The following KDM6B variants were observed in gnomAD, a reference collection of about 807,000 sequenced individuals.
The protein encoded by KDM6B is lysine demethylase 6B.
KDM6B carries 22 observed loss-of-function variants against 150.4 expected under a neutral mutation model. The observed-to-expected ratio is 0.15, with a 90% CI of 0.10 to 0.21. The LOEUF is 0.21. KDM6B is among the 10% of genes least tolerant of loss of function. The pLI is 1.00. For synonymous variants in KDM6B, 1,148 were observed against 921.1 expected (o/e 1.25, Z -4.46); for missense variants, 1,984 against 2,234.3 (o/e 0.89, Z 2.26).
Position 7,849,871 on chromosome 17 carries a change from A to G in KDM6B, c.3491A>G (p.Gln1164Arg), listed in dbSNP as rs909785268. 6 of 1,613,390 alleles carry G rather than the reference A, an allele frequency of 3.7e-6. No individual in the cohort carries two copies. Among genetic ancestry groups the G allele is most frequent in the Admixed American group, 3.3e-5 (2 of 60,020 alleles). Residue 1164 changes from glutamine (Q) to arginine (R), a missense_variant, in exon 13 of 24, where the codon CAG becomes CGG. By Grantham distance (43) the Gln-to-Arg change is conservative. This residue lies in a region of KDM6B where 1,379 missense variants were observed against 1,275.6 expected (regional missense o/e 1.08). Coordinates refer to ENST00000448097, the MANE Select transcript of KDM6B (RefSeq NM_001348716.2). ...KFRESYLSPAQSVKPKINTEE... is the reference protein window; with the variant it reads ...KFRESYLSPARSVKPKINTEE... ...CGAGAGTCCTACCTTTCCCCTGCCC[A>G]GTCTGTGAAACCGAAGATCAACACT...
chr17:7,834,273 C>CTT lies in KDM6B; in HGVS notation c.-465_-464insTT. Among the ~76,000 whole-genome samples the CTT allele has an allele frequency of 6.6e-6, 1 of 151,358 alleles. No homozygotes were observed. Among genetic ancestry groups the CTT allele is most frequent in the Non-Finnish European group, 1.5e-5 (1 of 67,716 alleles). On this transcript the variant is annotated 5_prime_UTR_variant, in exon 1 of 24. Coordinates refer to ENST00000448097, the MANE Select transcript of KDM6B (RefSeq NM_001348716.2). Reference sequence around the variant, plus strand: ...GGCGGAGCGGCCCCCCCAGCCCCGGCCTGGGAGAAGGGGGGGCCGCTCGAC... The same window carrying CTT: ...GGCGGAGCGGCCCCCCCAGCCCCGGCTTCTGGGAGAAGGGGGGGCCGCTCGAC...
rs754571535 is a variant in KDM6B, at chr17:7,846,896, A to ACCACCG, written c.791_792insACCGCC (p.Pro263_Pro264dup). ...CACCACCACCACCACCACCACCACC[A>ACCACCG]CCCCTGCCTGGCCTGGCTACCAGCC... On this transcript the variant is annotated inframe_insertion, in exon 10 of 24. Coordinates refer to ENST00000448097, the MANE Select transcript of KDM6B (RefSeq NM_001348716.2). 5.0e-4 allele frequency: 687 copies of ACCACCG among 1,365,150 alleles called. No homozygotes were observed. The highest frequency in any genetic ancestry group is 6.0e-4 in the Non-Finnish European group (603 of 1,009,608). 84.6% of individuals were successfully genotyped at this position (1,365,150 alleles called of 1,614,324 possible).
In KDM6B at chr17:7,844,906, T is replaced by G. The variant is rs540169923; in HGVS notation, c.-263T>G. The G allele has an allele frequency of 6.1e-6, 1 of 164,194 alleles. No individual in the cohort carries two copies. The highest frequency in any genetic ancestry group is 1.4e-4 in the South Asian group (1 of 7,150). 10.2% of individuals were successfully genotyped at this position (164,194 alleles called of 1,614,324 possible). ...CTCCCATTGGTTCCGGCCAGGCTGTTACTGAGGCGGAGACACGGGTGATGA... is the reference window on the plus strand; with the variant it reads ...CTCCCATTGGTTCCGGCCAGGCTGTGACTGAGGCGGAGACACGGGTGATGA... On this transcript the variant is annotated 5_prime_UTR_variant, in exon 3 of 24. It introduces an in-frame stop codon into an upstream open reading frame of the 5' UTR. Transcript: ENST00000448097. The surrounding 1 kb of genome is among the most constrained non-coding windows in gnomAD (Gnocchi z 5.9).
chr17:7,842,600 C>T (rs1021718547), intron 2 of KDM6B, among the ~76,000 whole-genome samples: 1 of 152,066 alleles, frequency 6.6e-6, no homozygotes, highest in Non-Finnish European at 1.5e-5. Context: ...CGCGAGCTGG[C>T]GGCGACTGGG....
Position 7,848,486 on chromosome 17 carries a change from A to C in KDM6B, c.2198A>C (p.Gln733Pro), listed in dbSNP as rs2078613046. ...CTGAAGGAGCCCTTTGCATCTCTGC[A>C]GTCTCCTTTCCCCACCGACACAGCC... ...PPLKEPFASL[Q>P]SPFPTDTAPT... The change falls in exon 12 of 24, where the codon CAG becomes CCG. Residue 733 changes from glutamine to proline, a missense_variant. Gln to Pro is a moderately conservative substitution (Grantham distance 76, BLOSUM62 -1). Transcript: ENST00000448097. 1 of 1,608,588 alleles carries C rather than the reference A, an allele frequency of 6.2e-7. No individual in the cohort carries two copies. Among genetic ancestry groups the C allele is most frequent in the Non-Finnish European group, 8.5e-7 (1 of 1,179,236 alleles).
rs774204081 is a variant in KDM6B, at chr17:7,852,550, C to G, written c.4524C>G (p.Val1508=). Residue 1508 remains valine (V), a synonymous_variant, in exon 21 of 24, where the codon GTC becomes GTG. Transcript: ENST00000448097. ...ERYEWNEVKN[V]KSIVPMIHVS... ...ACGAGTGGAATGAGGTGAAGAACGT[C>G]AAATCCATCGTGCCCATGATTCACG... is the stretch of plus-strand genomic sequence containing the variant. The G allele has an allele frequency of 2.5e-6, 4 of 1,614,016 alleles. No homozygotes were observed. The highest frequency in any genetic ancestry group is 8.5e-7 in the Non-Finnish European group (1 of 1,180,036).
At chr17:7,835,542 T>C (rs1403308900) in intron 1 of KDM6B, among the ~76,000 whole-genome samples, 1 of 151,622 alleles carries the variant, frequency 6.6e-6, no homozygotes, top group Non-Finnish European at 1.5e-5. Context: ...CCAGAGTAAC[T>C]GGAGGGCGAG....
At chr17:7,845,239 C>T in intron 3 of KDM6B, 75 bp from the exon 4 acceptor site, 1 of 517,122 alleles carries the variant, frequency 1.9e-6, no homozygotes, top group East Asian at 3.5e-5. Context: ...GTGGATGCCA[C>T]AGTCCGCCCA....
chr17:7,835,276 T>G (rs2078311228), intron 1 of KDM6B, among the ~76,000 whole-genome samples: 1 of 151,920 alleles, frequency 6.6e-6, no homozygotes, highest in South Asian at 2.1e-4. Context: ...GCGACGTAGA[T>G]TCGCTTCCTG....
At chr17:7,849,759 A>G in intron 12 of KDM6B, 31 bp downstream of exon 12, 1 of 1,612,606 alleles carries the variant, frequency 6.2e-7, no homozygotes, top group Non-Finnish European at 8.5e-7. Flanking sequence ...CTTGTCCCGG[A>G]GACAGGCTCC....
At position 7,846,677 on chromosome 17, in the gene KDM6B, C is replaced by A; in HGVS notation, c.648C>A (p.Gly216=). 1 of 1,614,130 alleles carries A rather than the reference C, an allele frequency of 6.2e-7. No individual in the cohort carries two copies. Residue 216 remains glycine, a synonymous_variant, in exon 9 of 24, where the codon GGC becomes GGA. Transcript: ENST00000448097. The part of the protein sequence containing the change: ...VQPVPPAALS[G]PSGEEGLSPG... Reference sequence around the variant, plus strand: ...CTGTGCCTCCTGCAGCACTCTCAGGCCCCTCAGGGGAGGAGGGCCTCAGCC... The same window carrying A: ...CTGTGCCTCCTGCAGCACTCTCAGGACCCTCAGGGGAGGAGGGCCTCAGCC...
Position 7,847,388 on chromosome 17 carries a change from C to A in KDM6B, c.1193C>A (p.Thr398Asn). Residue 398 changes from threonine to asparagine, a missense_variant, in exon 11 of 24, where the codon ACC (threonine) becomes AAC (asparagine). Thr to Asn is a moderately conservative substitution (Grantham distance 65). Transcript: ENST00000448097. ...CCCCCTGGCCTCCCCGGCACCACCA[C>A]CAGCAGCAGCAGTAGCAGCAGCAGC... Reference protein sequence around the residue: ...SRPPGLPGTTTSSSSSSSSNT... With the variant: ...SRPPGLPGTTNSSSSSSSSNT... The A allele has an allele frequency of 6.2e-7, 1 of 1,613,478 alleles. No homozygotes were observed. Among genetic ancestry groups the A allele is most frequent in the Non-Finnish European group, 8.5e-7 (1 of 1,179,992 alleles).
chr17:7,849,552 C>A lies in KDM6B; in HGVS notation c.3264C>A (p.Asp1088Glu), dbSNP rs763954139. Residue 1088 changes from aspartate (D) to glutamate (E), a missense_variant, in exon 12 of 24, where the codon GAC becomes GAA. Transcript: ENST00000448097. ...GGCCACCGGGTGTCAGCCGGGCCGA[C>A]ATGCTGAAGCTGCGCTCACTTAGTG... ...APGPPGVSRA[D>E]MLKLRSLSEG... The A allele has an allele frequency of 6.2e-7, 1 of 1,612,876 alleles. No individual in the cohort carries two copies. Among genetic ancestry groups the A allele is most frequent in the Non-Finnish European group, 8.5e-7 (1 of 1,179,984 alleles).
chr17:7,851,858 C>T (rs937022541), intron 18 of KDM6B, 62 bp downstream of exon 18: 8 of 1,570,642 alleles, frequency 5.1e-6, no homozygotes, highest in Admixed American at 1.9e-5. Context: ...GGCGGCGGCG[C>T]TCAGCCGTCA....
intron 21 of KDM6B, 118 bp from the exon 22 acceptor site, chr17:7,852,882 G>A: frequency 7.0e-7 from 1 of 1,424,882 alleles, no homozygotes; most frequent in South Asian, 1.2e-5. Context: ...ACCTAGACAT[G>A]AAGCGGGGAG....
At chr17:7,853,452 C>T in intron 23 of KDM6B, 46 bp from the exon 24 acceptor site, 1 of 1,511,650 alleles carries the variant, frequency 6.6e-7, no homozygotes, top group South Asian at 1.2e-5. Flanking sequence ...GCTTCGGGAG[C>T]CCGGCCGCGC....
chr17:7,848,828 C>A lies in KDM6B; in HGVS notation c.2540C>A (p.Ala847Asp), dbSNP rs1315356979. The A allele has an allele frequency of 6.2e-7, 1 of 1,612,612 alleles. No individual in the cohort carries two copies. Among genetic ancestry groups the A allele is most frequent in the African/African-American group, 1.3e-5 (1 of 75,046 alleles). The change falls in exon 12 of 24, where the codon GCC (alanine) becomes GAC (aspartate). Residue 847 changes from alanine to aspartate, a missense_variant. Physicochemically the swap from Ala to Asp is moderately radical, Grantham distance 126. Transcript: ENST00000448097. ...YSPGPPSGAT[A>D]LPPTSAAPSA... ...CCTGGCCCCCCATCAGGTGCTACCG[C>A]CCTGCCGCCCACCTCAGCGGCCCCT...
chr17:7,846,371 G>GGGGGGGGCCCGGGGGCCCCCCCC, intron 7 of KDM6B, 29 bp from the exon 8 acceptor site: 4 of 1,488,896 alleles, frequency 2.7e-6, no homozygotes, highest in Non-Finnish European at 3.7e-6. Flanking sequence ...CCTGACATCT[G>GGGGGGGGCCCGGGGGCCCCCCCC]CCCCTGCCCC....
At chr17:7,846,371 G>GGGGGGGGCGGGGGGGC in intron 7 of KDM6B, 29 bp from the exon 8 acceptor site, 1 of 1,488,926 alleles carries the variant, frequency 6.7e-7, no homozygotes, top group Non-Finnish European at 9.2e-7. Flanking sequence ...CCTGACATCT[G>GGGGGGGGCGGGGGGGC]CCCCTGCCCC....
Sources: allele counts gnomAD v4.1 joint callset (sites outside exome capture counted in the v4.1 genomes callset), GRCh38; gene constraint gnomAD v4.1.1; regional missense constraint gnomAD v4.1.1; non-coding constraint Gnocchi (gnomAD v3.1); transcripts MANE v1.5; gene names NCBI Gene and HGNC (gene_info 2026-07-23, HGNC 2026-07-21).